MMRN2: variants seen among roughly 807,000 people sequenced by gnomAD.
MMRN2 encodes the protein multimerin 2, also known as multimerin-2.
A neutral mutation model predicts 68.8 loss-of-function variants in MMRN2; 53 were observed. The observed-to-expected ratio is 0.77, with a 90% confidence interval of 0.62 to 0.97. The LOEUF is 0.97. Among genes scored for constraint, MMRN2 ranks in the 50% least tolerant of loss-of-function variants. MMRN2 has a pLI of 0.00. For synonymous variants in MMRN2, 564 were observed against 551.6 expected (o/e 1.02, Z -0.32); for missense variants, 1,266 against 1,259.5 (o/e 1.01, Z -0.08).
chr10:86,945,645 G>C lies in MMRN2; in HGVS notation c.209C>G (p.Ala70Gly), dbSNP rs755121347. The change falls in exon 2 of 7, where the codon GCT (alanine) becomes GGT (glycine). Residue 70 changes from alanine to glycine, a missense_variant. Physicochemically the swap from Ala to Gly is moderately conservative, Grantham distance 60. Transcript: ENST00000372027. The stretch of plus-strand genomic sequence containing the variant: ...GAGGAATTTCTCTGTTTTGCAAAGA[G>C]CTAGTAAGGTGACCAGCTTGGACAT... ...YPMSKLVTLL[A>G]LCKTEKFLIH... The C allele has an allele frequency of 1.6e-5, 26 of 1,613,988 alleles. No homozygotes were observed. The South Asian group carries it at 2.9e-4, about 18-fold the overall frequency.
At chr10:86,949,053 T>G (rs1844109022) in intron 1 of MMRN2, 1 of 152,150 alleles carries the variant, frequency 6.6e-6, no homozygotes, top group Non-Finnish European at 1.5e-5. Flanking sequence ...TACACTTACA[T>G]CAAAACATGT....
At position 86,945,576 on chromosome 10, in the gene MMRN2, T is replaced by G; in HGVS notation, c.278A>C (p.Gln93Pro). 1.2e-6 allele frequency: 2 copies of G among 1,600,900 alleles called. No individual in the cohort carries two copies. Among genetic ancestry groups the G allele is most frequent in the South Asian group, 2.3e-5 (2 of 88,710 alleles). ...QPCPQGAPDC[Q>P]KVKVMYRMAH... ...CCCTACTCACATGACTTTGACTTTC[T>G]GGCAGTCTGGAGCTCCCTGCGGACA... is the stretch of plus-strand genomic sequence containing the variant. The change falls in exon 2 of 7, where the codon CAG (glutamine) becomes CCG (proline). Residue 93 changes from glutamine to proline, a missense_variant. Gln to Pro is a moderately conservative substitution (Grantham distance 76, BLOSUM62 -1). Transcript: ENST00000372027.
At chr10:86,948,190 C>T (rs866209285) in intron 1 of MMRN2, among the ~76,000 whole-genome samples, 2 of 143,114 alleles carry the variant, frequency 1.4e-5, no homozygotes, top group South Asian at 4.4e-4. Flanking sequence ...TATGCCACTA[C>T]ACTTCAGCCT....
chr10:86,938,122 CAG>C (rs946764646), intron 6 of MMRN2, among the ~76,000 whole-genome samples: 2 of 151,980 alleles, frequency 1.3e-5, no homozygotes, highest in African/African-American at 4.8e-5. Flanking sequence ...TTTGTAGAGA[CAG>C]AGTCTTGCTC....
Position 86,936,284 on chromosome 10 carries a change from G to A in MMRN2, c.*459C>T, listed in dbSNP as rs1427445616. The A allele has an allele frequency of 1.0e-4, 43 of 420,858 alleles. No homozygotes were observed. Among genetic ancestry groups the A allele is most frequent in the Non-Finnish European group, 7.1e-5 (17 of 239,188 alleles). The allele number at this position is 420,858 out of a possible 1,614,324, so 26.1% of individuals were successfully genotyped here. ...TTGCCCTCTAGTGCTTTCCAATGTT[G>A]GCCAAAATGTTGCCTCCATTTTAAA... On this transcript the variant is annotated 3_prime_UTR_variant, in exon 7 of 7. Coordinates refer to ENST00000372027, the MANE Select transcript of MMRN2 (RefSeq NM_024756.3).
rs143864810 is a variant in MMRN2, at chr10:86,943,354, T to G, written c.1430A>C (p.His477Pro). ...GAGGTCGGCATGGCCACCCTGCAGG[T>G]GCTGCAGCGTGAGGTTGAGCTCCAG... ...QLLELNLTLQ[H>P]LQGGHADLIK... The change falls in exon 6 of 7, where the codon CAC (histidine) becomes CCC (proline). Residue 477 changes from histidine to proline, a missense_variant. Physicochemically the swap from His to Pro is moderately conservative, Grantham distance 77. Transcript: ENST00000372027. This position sits in a 1 kb window ranked among gnomAD's most constrained non-coding sequence, Gnocchi z 4.2. 4.3e-6 allele frequency: 7 copies of G among 1,613,784 alleles called. No homozygotes were observed. The African/African-American group carries it at 8.0e-5, about 18-fold the overall frequency.
chr10:86,941,798 TAAA>T (rs55898424), intron 6 of MMRN2, among the ~76,000 whole-genome samples: 7,799 of 115,038 alleles, frequency 0.068, 662 homozygotes, highest in East Asian at 0.45. Flanking sequence ...AGACCCATCT[TAAA>T]AAAAAAAAAA....
At position 86,957,384 on chromosome 10, in the gene MMRN2, A is replaced by G; in HGVS notation, c.158T>C (p.Val53Ala). 6.2e-7 allele frequency: 1 copy of G among 1,613,110 alleles called. No individual in the cohort carries two copies. The highest frequency in any genetic ancestry group is 2.2e-5 in the East Asian group (1 of 44,882). The change falls in exon 1 of 7, where the codon GTA becomes GCA. Residue 53 changes from valine to alanine, a missense_variant. Physicochemically the swap from Val to Ala is moderately conservative, Grantham distance 64. Transcript: ENST00000372027. ...AAGGTCCAGGCCCTCTTACCGTCCT[A>G]CGGGGTCCTTGCCGGTGTCCTCAGC... ...AEAEDTGKDP[V>A]GRNWCPYPMS...
At chr10:86,939,679 C>CA (rs1273338843) in intron 6 of MMRN2, among the ~76,000 whole-genome samples, 3 of 151,970 alleles carry the variant, frequency 2.0e-5, no homozygotes, top group African/African-American at 7.3e-5. Flanking sequence ...ACCCCCACCC[C>CA]AACCCAGCCT....
At chr10:86,953,806 G>A (rs1844177494) in intron 1 of MMRN2, among the ~76,000 whole-genome samples, 1 of 152,234 alleles carries the variant, frequency 6.6e-6, no homozygotes, top group Non-Finnish European at 1.5e-5. Context: ...GTGTGCCCCA[G>A]GCACGCCTGG....
chr10:86,943,303 C>T lies in MMRN2; in HGVS notation c.1481G>A (p.Cys494Tyr). Residue 494 changes from cysteine (C) to tyrosine (Y), a missense_variant, in exon 6 of 7, where the codon TGC (cysteine) becomes TAC (tyrosine). Coordinates refer to ENST00000372027, the MANE Select transcript of MMRN2 (RefSeq NM_024756.3). This position sits in a 1 kb window ranked among gnomAD's most constrained non-coding sequence, Gnocchi z 4.2. ...DLIKYVKDCN[C>Y]QKLYLDLDVI... ...GTCCAGGTCTAAATAGAGCTTCTGG[C>T]AATTGCAGTCCTTCACGTACTTGAT... 1 of 1,613,824 alleles carries T rather than the reference C, an allele frequency of 6.2e-7. No individual in the cohort carries two copies. The highest frequency in any genetic ancestry group is 8.5e-7 in the Non-Finnish European group (1 of 1,180,024).
Position 86,936,940 on chromosome 10 carries a change from CGGTGCCTG to C in MMRN2, c.2645_2652del (p.Pro882ArgfsTer31). On this transcript the variant is annotated frameshift_variant, in exon 7 of 7. Transcript: ENST00000372027. LOFTEE classifies it low-confidence loss of function (END_TRUNC). ...TGGTGACCTCCAAACACCAGCTGCC[CGGTGCCTG>C]GCCCTGGGCCAAATTCAACGCTCAC... is the stretch of plus-strand genomic sequence containing the variant. 6.2e-7 allele frequency: 1 copy of C among 1,614,218 alleles called. No homozygotes were observed. Among genetic ancestry groups the C allele is most frequent in the Non-Finnish European group, 8.5e-7 (1 of 1,180,038 alleles).
chr10:86,936,966 A>G lies in MMRN2; in HGVS notation c.2627T>C (p.Val876Ala), dbSNP rs377460418. 39 of 1,613,964 alleles carry G rather than the reference A, an allele frequency of 2.4e-5. No individual in the cohort carries two copies. The African/African-American group carries it at 3.6e-4, about 15-fold the overall frequency. The change falls in exon 7 of 7, where the codon GTT (valine) becomes GCT (alanine). Residue 876 changes from valine (V) to alanine (A), a missense_variant. Physicochemically the swap from Val to Ala is moderately conservative, Grantham distance 64 (BLOSUM62 0). Coordinates refer to ENST00000372027, the MANE Select transcript of MMRN2 (RefSeq NM_024756.3). ...GGTGCCTGGCCCTGGGCCAAATTCA[A>G]CGCTCACTGCAAACAGGTAGACACC... ...ERGVYLFAVS[V>A]EFGPGPGTGQ... is the part of the protein sequence containing the mutation.
Position 86,944,395 on chromosome 10 carries a change from C to T in MMRN2, c.522G>A (p.Gln174=). 6.2e-7 allele frequency: 1 copy of T among 1,613,984 alleles called. No homozygotes were observed. The highest frequency in any genetic ancestry group is 8.5e-7 in the Non-Finnish European group (1 of 1,180,018). The change falls in exon 5 of 7, where the codon CAG becomes CAA. Residue 174 remains glutamine, a synonymous_variant. Coordinates refer to ENST00000372027, the MANE Select transcript of MMRN2 (RefSeq NM_024756.3). The part of the protein sequence containing the change: ...AAVINEVEVQ[Q]EQQEHLLGDL... Reference sequence around the variant, plus strand: ...CTCCCAGCAGATGTTCCTGCTGTTCCTGTTGCACCTCAACCTCATTGATCA... The same window carrying T: ...CTCCCAGCAGATGTTCCTGCTGTTCTTGTTGCACCTCAACCTCATTGATCA...
In MMRN2 at chr10:86,957,543, T is replaced by C; in HGVS notation, c.-2A>G. The C allele has an allele frequency of 6.2e-7, 1 of 1,605,560 alleles. No individual in the cohort carries two copies. On this transcript the variant is annotated 5_prime_UTR_variant, in exon 1 of 7. Coordinates refer to ENST00000372027, the MANE Select transcript of MMRN2 (RefSeq NM_024756.3). ...GCTGAACAGCAAGCTCAGGATCATC[T>C]TGGTGGTGGGGCAGGCTCAGCTCAC... is the stretch of plus-strand genomic sequence containing the variant.
intron 4 of MMRN2, among the ~76,000 whole-genome samples, chr10:86,944,752 A>C (rs374484014): frequency 2.6e-5 from 4 of 152,274 alleles, no homozygotes; most frequent in South Asian, 4.2e-4. Context: ...AAACTCATTT[A>C]CTTTCTCAAT....
chr10:86,947,600 T>C (rs1844087413), intron 1 of MMRN2, among the ~76,000 whole-genome samples: 1 of 151,978 alleles, frequency 6.6e-6, no homozygotes, highest in Non-Finnish European at 1.5e-5. Context: ...CTTAAACTCC[T>C]GACCTCGTGA....
At position 86,943,527 on chromosome 10, in the gene MMRN2, C is replaced by G. The variant is rs778553740; in HGVS notation, c.1257G>C (p.Ser419=). Residue 419 remains serine, a synonymous_variant, in exon 6 of 7, where the codon TCG becomes TCC. Transcript: ENST00000372027. This position sits in a 1 kb window ranked among gnomAD's most constrained non-coding sequence, Gnocchi z 4.2. The stretch of plus-strand genomic sequence containing the variant: ...TGCTAATCTGATCGAAAGTCTCGTC[C>G]GATTCGGAGTACAGTTCCTTGATCT... ...VDEIKELYSE[S]DETFDQISKV... The G allele has an allele frequency of 6.2e-7, 1 of 1,614,248 alleles. No homozygotes were observed. Among genetic ancestry groups the G allele is most frequent in the South Asian group, 1.1e-5 (1 of 91,086 alleles).
Position 86,942,843 on chromosome 10 carries a change from C to A in MMRN2, c.1941G>T (p.Gly647=). ...CCCAGCCGAGCGCCTGCTCCTGCAG[C>A]CCGCTAGCGGCGTCCTGCAGGGCCA... ...IRVALQDAAS[G]LQEQALGWDE... Residue 647 remains glycine, a synonymous_variant, in exon 6 of 7, where the codon GGG becomes GGT. Coordinates refer to ENST00000372027, the MANE Select transcript of MMRN2 (RefSeq NM_024756.3). 1 of 1,381,640 alleles carries A rather than the reference C, an allele frequency of 7.2e-7. No homozygotes were observed. Among genetic ancestry groups the A allele is most frequent in the Non-Finnish European group, 9.4e-7 (1 of 1,068,976 alleles). The allele number at this position is 1,381,640 out of a possible 1,614,324, so 85.6% of individuals were successfully genotyped here.
Sources: allele counts gnomAD v4.1 joint callset (sites outside exome capture counted in the v4.1 genomes callset), GRCh38; gene constraint gnomAD v4.1.1; non-coding constraint Gnocchi (gnomAD v3.1); transcripts MANE v1.5; gene names NCBI Gene and HGNC (gene_info 2026-07-23, HGNC 2026-07-21).